Variants in IL1RAPL2 observed in about 807,000 individuals in gnomAD.
The protein encoded by IL1RAPL2 is X-linked interleukin-1 receptor accessory protein-like 2.
IL1RAPL2 carries 3 observed loss-of-function variants against 44.1 expected under a neutral mutation model. The observed-to-expected ratio is 0.07, with a 90% CI of 0.03 to 0.18. The LOEUF is 0.18. Ranked by LOEUF, IL1RAPL2 falls within the 10% of genes least tolerant of loss-of-function variation. The pLI, the probability that IL1RAPL2 is intolerant of heterozygous loss-of-function variation, is 1.00. For missense variants in IL1RAPL2, 391 were observed against 496.4 expected (o/e 0.79, Z 2.02); for synonymous variants, 181 against 178.8 (o/e 1.01, Z -0.10).
chrX:104,684,488 A>G (rs1018620299), intron 2 of IL1RAPL2, among the ~76,000 whole-genome samples: 5 of 112,081 alleles, frequency 4.5e-5, no homozygotes, highest in Middle Eastern at 4.2e-3. Context: ...CTCCTCCTGC[A>G]GGGACACCAT....
chrX:104,788,692 C>T (rs1932811115), intron 2 of IL1RAPL2, among the ~76,000 whole-genome samples: 1 of 111,795 alleles, frequency 8.9e-6, no homozygotes, highest in South Asian at 3.7e-4. Context: ...TTTCACTCAG[C>T]CTGTGATTTT....
intron 2 of IL1RAPL2, among the ~76,000 whole-genome samples, chrX:104,916,388 A>G (rs1272533735): frequency 9.0e-6 from 1 of 111,610 alleles, no homozygotes; most frequent in Non-Finnish European, 1.9e-5. Flanking sequence ...ATTGGTGTAT[A>G]AGAATGCTTG....
At chrX:105,311,236 A>G (rs2034794231) in intron 5 of IL1RAPL2, among the ~76,000 whole-genome samples, 1 of 110,941 alleles carries the variant, frequency 9.0e-6, no homozygotes, top group African/African-American at 3.3e-5. Context: ...TTTTTATCCA[A>G]TTTGACAATT....
At chrX:104,636,619 C>T (rs773920965) in intron 1 of IL1RAPL2, among the ~76,000 whole-genome samples, 2 of 111,982 alleles carry the variant, frequency 1.8e-5, no homozygotes, top group East Asian at 2.8e-4. Flanking sequence ...AGTGAGGCTT[C>T]GTGGGCGTAG....
intron 2 of IL1RAPL2, among the ~76,000 whole-genome samples, chrX:105,174,481 G>C (rs1359480493): frequency 1.8e-5 from 2 of 111,649 alleles, no homozygotes; most frequent in East Asian, 5.6e-4. Context: ...AAGATTGGGA[G>C]GATGGTACCA....
chrX:105,344,610 TCAATC>T (rs1403695261), intron 5 of IL1RAPL2, among the ~76,000 whole-genome samples: 1 of 112,017 alleles, frequency 8.9e-6, no homozygotes, highest in East Asian at 2.8e-4. Flanking sequence ...TGTTGGCAAT[TCAATC>T]CAGTATAGTT....
intron 3 of IL1RAPL2, among the ~76,000 whole-genome samples, chrX:105,232,320 C>T (rs1556196554): frequency 8.9e-6 from 1 of 111,878 alleles, no homozygotes; most frequent in African/African-American, 3.3e-5. Context: ...GACTACTAAG[C>T]AGTATGAACA....
chrX:104,749,488 A>T (rs1462234176), intron 2 of IL1RAPL2, among the ~76,000 whole-genome samples: 1 of 111,860 alleles, frequency 8.9e-6, no homozygotes, highest in African/African-American at 3.2e-5. Context: ...TGCATGTCAG[A>T]TATGGAAATA....
chrX:105,518,000 G>A (rs1042480473), intron 6 of IL1RAPL2, among the ~76,000 whole-genome samples: 7 of 111,285 alleles, frequency 6.3e-5, no homozygotes, highest in African/African-American at 2.3e-4. Context: ...CATCAAGAAA[G>A]AGAAATGCAC....
At chrX:105,754,034 TG>T (rs1301373490) in intron 9 of IL1RAPL2, among the ~76,000 whole-genome samples, 3 of 111,975 alleles carry the variant, frequency 2.7e-5, no homozygotes, top group Non-Finnish European at 3.8e-5. Context: ...AGTAAATGAG[TG>T]GCTGCTTCAT....
At chrX:105,307,963 GA>G in intron 5 of IL1RAPL2, among the ~76,000 whole-genome samples, 1 of 108,902 alleles carries the variant, frequency 9.2e-6, no homozygotes, top group Non-Finnish European at 1.9e-5. Context: ...TTTCCTCATG[GA>G]ACTTTTGTTC....
intron 2 of IL1RAPL2, among the ~76,000 whole-genome samples, chrX:105,003,636 T>G (rs1424439062): frequency 9.0e-6 from 1 of 111,426 alleles, no homozygotes; most frequent in Admixed American, 9.6e-5. Flanking sequence ...GCTGTCAGTC[T>G]GTAACTGGGC....
At chrX:105,696,570 G>T (rs1268060782) in intron 6 of IL1RAPL2, among the ~76,000 whole-genome samples, 1 of 111,546 alleles carries the variant, frequency 9.0e-6, no homozygotes, top group African/African-American at 3.3e-5. Context: ...AAAATCGAGG[G>T]ACTAGAAAAA....
At chrX:105,034,569 T>C (rs984656653) in intron 2 of IL1RAPL2, among the ~76,000 whole-genome samples, 15 of 111,838 alleles carry the variant, frequency 1.3e-4, no homozygotes, top group African/African-American at 3.9e-4. Flanking sequence ...ATTGGTGAAC[T>C]GCAAATGCTG....
intron 6 of IL1RAPL2, among the ~76,000 whole-genome samples, chrX:105,701,489 T>G (rs1172536535): frequency 9.0e-6 from 1 of 111,434 alleles, no homozygotes; most frequent in Non-Finnish European, 1.9e-5. Flanking sequence ...TCTTACCAGC[T>G]TCTCAGTTGG....
chrX:104,934,562 G>C (rs1026054628), intron 2 of IL1RAPL2, among the ~76,000 whole-genome samples: 1 of 111,126 alleles, frequency 9.0e-6, no homozygotes, highest in Non-Finnish European at 1.9e-5. Context: ...TGACTCATGA[G>C]GGAGAAGATG....
rs768763672 is a variant in IL1RAPL2, at chrX:104,605,211, A to G, written c.-20+38160A>G. Among the ~76,000 whole-genome samples, 14 of 111,806 alleles carry G rather than the reference A, an allele frequency of 1.3e-4. No individual in the cohort carries two copies. The South Asian group carries it at 5.2e-3, about 42-fold the overall frequency. The stretch of plus-strand genomic sequence containing the variant: ...ATGAAAACTGAACAACGTGCTCCTG[A>G]ATGACTACTGGGTAAATAATGAAAT... On this transcript the variant is annotated intron_variant, in intron 1 of 10. Transcript: ENST00000372582.
rs1020067326 is a variant in IL1RAPL2 at position 104,566,815 on chromosome X, G to C, written c.-256G>C. 3 of 113,046 alleles carry C rather than the reference G, an allele frequency of 2.7e-5. No individual in the cohort carries two copies. Among genetic ancestry groups the C allele is most frequent in the Admixed American group, 1.9e-4 (2 of 10,768 alleles). The allele number at this position is 113,046 out of a possible 1,213,427, so 9.3% of individuals were successfully genotyped here. A position where few individuals can be genotyped will look rare whatever the true frequency, so the allele number is the denominator to read the frequency against. ...TGAACTCTAGAAATCTTCCCTGGCTGGGGGGAAGTTTACTAGTATCCTCTT... is the reference window on the plus strand; with the variant it reads ...TGAACTCTAGAAATCTTCCCTGGCTCGGGGGAAGTTTACTAGTATCCTCTT... On this transcript the variant is annotated 5_prime_UTR_variant, in exon 1 of 11. Transcript: ENST00000372582.
chrX:104,926,677 A>G lies in IL1RAPL2; in HGVS notation c.82+267682A>G, dbSNP rs781358875. ...CATCACAGTTGATGTATCCCATCAT[A>G]TAAGGATGTTTTCAGACCTGTAAGC... On this transcript the variant is annotated intron_variant, in intron 2 of 10. Coordinates refer to ENST00000372582, the MANE Select transcript of IL1RAPL2 (RefSeq NM_017416.2). Among the ~76,000 whole-genome samples the G allele has an allele frequency of 3.6e-5, 4 of 112,210 alleles. No individual in the cohort carries two copies. In the East Asian group the frequency reaches 1.1e-3, roughly 32 times the overall value.
Sources: gnomAD v4.1 joint callset for allele counts (sites outside exome capture counted in the v4.1 genomes callset) on GRCh38, gnomAD v4.1.1 for gene constraint, MANE v1.5 for transcripts, NCBI Gene and HGNC (gene_info 2026-07-23, HGNC 2026-07-21) for gene names.